The following CDH7 variants were observed in gnomAD, a reference collection of about 807,000 sequenced individuals.
CDH7 encodes cadherin 7, also known as cadherin-7.
A neutral mutation model predicts 71.8 loss-of-function variants in CDH7; 25 were observed. The observed-to-expected ratio is 0.35, with a 90% CI of 0.25 to 0.49. CDH7 has a LOEUF of 0.49. CDH7 is among the 20% of genes least tolerant of loss of function. The pLI is 0.99. For missense variants in CDH7, 862 were observed against 974.6 expected, an observed-to-expected ratio of 0.88 and a Z score of 1.54; for synonymous variants, 381 against 363.8, an observed-to-expected ratio of 1.05 and a Z score of -0.54.
intron 1 of CDH7, among the ~76,000 whole-genome samples, chr18:65,756,528 A>G (rs1478969879): frequency 2.0e-5 from 3 of 152,240 alleles, no homozygotes; most frequent in African/African-American, 7.2e-5. Flanking sequence ...ACCAATTGAT[A>G]ATAAGCTGTG....
intron 4 of CDH7, among the ~76,000 whole-genome samples, chr18:65,818,780 A>G (rs533004375): frequency 6.6e-6 from 1 of 152,220 alleles, no homozygotes; most frequent in Non-Finnish European, 1.5e-5. Context: ...ATGATATCCA[A>G]TTAGTTCTTT....
At chr18:65,796,043 A>C (rs981563494) in intron 2 of CDH7, among the ~76,000 whole-genome samples, 11 of 152,178 alleles carry the variant, frequency 7.2e-5, no homozygotes, top group Admixed American at 2.0e-4. Context: ...TTTTAAAATA[A>C]ATAAATAAAT....
chr18:65,856,844 A>G (rs1913374860), intron 7 of CDH7, among the ~76,000 whole-genome samples: 1 of 152,168 alleles, frequency 6.6e-6, no homozygotes, highest in Non-Finnish European at 1.5e-5. Flanking sequence ...AAAACAAATA[A>G]TAGCATGGAC....
At chr18:65,766,922 A>AAAAAAAAAAAAAAATT (rs199518714) in intron 2 of CDH7, among the ~76,000 whole-genome samples, 5 of 136,896 alleles carry the variant, frequency 3.7e-5, no homozygotes, top group African/African-American at 1.1e-4. Context: ...AAAAAAAAAA[A>AAAAAAAAAAAAAAATT]GTCTACAAAA....
At chr18:65,781,808 TTCC>T (rs1910220883) in intron 2 of CDH7, among the ~76,000 whole-genome samples, 1 of 81,230 alleles carries the variant, frequency 1.2e-5, no homozygotes, top group Non-Finnish European at 2.2e-5. Flanking sequence ...CCTTCCTTCC[TTCC>T]TTCCTTCCTT....
chr18:65,760,466 G>A (rs1916159028), intron 1 of CDH7, among the ~76,000 whole-genome samples: 1 of 152,294 alleles, frequency 6.6e-6, no homozygotes, highest in East Asian at 1.9e-4. Flanking sequence ...GTCACTCTCT[G>A]AAACAATGTT....
At chr18:65,820,310 T>C (rs2143932398) in intron 4 of CDH7, among the ~76,000 whole-genome samples, 1 of 151,718 alleles carries the variant, frequency 6.6e-6, no homozygotes, top group East Asian at 2.0e-4. Context: ...CTTAAACAAT[T>C]ACTGATTATT....
chr18:65,848,016 G>A (rs533835589), intron 7 of CDH7, among the ~76,000 whole-genome samples: 2 of 152,040 alleles, frequency 1.3e-5, no homozygotes, highest in East Asian at 1.9e-4. Flanking sequence ...GGGCAAGCAC[G>A]TTTCCGGCTT....
At chr18:65,813,881 G>A (rs1380753840) in intron 3 of CDH7, among the ~76,000 whole-genome samples, 4 of 152,138 alleles carry the variant, frequency 2.6e-5, no homozygotes, top group Admixed American at 1.3e-4. Flanking sequence ...TCTTTTACGA[G>A]GGGTTTGGTT....
chr18:65,790,400 A>G (rs552536951), intron 2 of CDH7, among the ~76,000 whole-genome samples: 22 of 152,130 alleles, frequency 1.4e-4, no homozygotes, highest in African/African-American at 5.1e-4. Flanking sequence ...TGTAAGCTTG[A>G]TTGTTAACAG....
intron 2 of CDH7, among the ~76,000 whole-genome samples, chr18:65,799,558 C>G (rs1316028341): frequency 2.0e-5 from 3 of 152,084 alleles, no homozygotes; most frequent in African/African-American, 7.2e-5. Flanking sequence ...TGCCTGTAGT[C>G]CCAGCTACTC....
At chr18:65,776,052 C>G (rs1256252052) in intron 2 of CDH7, among the ~76,000 whole-genome samples, 5 of 152,118 alleles carry the variant, frequency 3.3e-5, no homozygotes, top group African/African-American at 4.8e-5. Context: ...AGAGTAAGAA[C>G]AGAACTGGCA....
chr18:65,881,998 C>G lies in CDH7; in HGVS notation c.*1104C>G, dbSNP rs1457415717. 1 of 151,224 alleles carries G rather than the reference C, an allele frequency of 6.6e-6. No homozygotes were observed. The highest frequency in any genetic ancestry group is 1.5e-5 in the Non-Finnish European group (1 of 67,890). The allele number at this position is 151,224 out of a possible 1,614,324, so 9.4% of individuals were successfully genotyped here. On this transcript the variant is annotated 3_prime_UTR_variant, in exon 12 of 12. Coordinates refer to ENST00000397968, the MANE Select transcript of CDH7 (RefSeq NM_004361.5). ...GAGAGAATTGAGATTTTCTTTGATG[C>G]AAGAATTATTTTTCAAGATCATGAG...
chr18:65,882,319 C>T lies in CDH7; in HGVS notation c.*1425C>T, dbSNP rs891757541. The T allele has an allele frequency of 2.0e-5, 3 of 151,978 alleles. No individual in the cohort carries two copies. The highest frequency in any genetic ancestry group is 7.3e-5 in the African/African-American group (3 of 41,374). 9.4% of individuals were successfully genotyped at this position (151,978 alleles called of 1,614,324 possible). ...ATGATGTTTCTACCTATTATTTTTC[C>T]TAGATTAATACTAGTTTAATGTGCA... On this transcript the variant is annotated 3_prime_UTR_variant, in exon 12 of 12. Coordinates refer to ENST00000397968, the MANE Select transcript of CDH7 (RefSeq NM_004361.5).
chr18:65,828,581 T>C (rs76236622), intron 6 of CDH7, among the ~76,000 whole-genome samples: 2,168 of 152,226 alleles, frequency 0.014, 39 homozygotes, highest in African/African-American at 0.048. Context: ...AATTGTGTTA[T>C]CAGTAAGGCT....
intron 6 of CDH7, among the ~76,000 whole-genome samples, chr18:65,842,924 G>T (rs758115794): frequency 3.0e-4 from 45 of 149,724 alleles, no homozygotes; most frequent in Admixed American, 1.1e-3. Context: ...GGACAGTTTT[G>T]CAAGTGGTAA....
At chr18:65,845,969 T>C in intron 7 of CDH7, among the ~76,000 whole-genome samples, 1 of 152,070 alleles carries the variant, frequency 6.6e-6, no homozygotes, top group East Asian at 1.9e-4. Flanking sequence ...AATGAAAGGA[T>C]TTAAGAATAT....
At chr18:65,824,906 A>G in intron 6 of CDH7, 75 bp downstream of exon 6, 1 of 1,000,248 alleles carries the variant, frequency 1.0e-6, no homozygotes, top group Non-Finnish European at 1.4e-6. Flanking sequence ...AATGTACTAG[A>G]CAAACCGAAT....
chr18:65,828,091 T>A (rs1912198100), intron 6 of CDH7, among the ~76,000 whole-genome samples: 1 of 151,840 alleles, frequency 6.6e-6, no homozygotes, highest in Non-Finnish European at 1.5e-5. Context: ...TACAGGAGCT[T>A]AATTTTTATT....
Sources: gnomAD v4.1 joint callset for allele counts (sites outside exome capture counted in the v4.1 genomes callset) on GRCh38, gnomAD v4.1.1 for gene constraint, MANE v1.5 for transcripts, NCBI Gene and HGNC (gene_info 2026-07-23, HGNC 2026-07-21) for gene names.